NPHP4: variants seen among roughly 807,000 people sequenced by gnomAD.
The protein encoded by NPHP4 is nephrocystin-4.
In NPHP4, 151 loss-of-function variants were observed where a neutral mutation model predicts 155.8. That is an observed-to-expected ratio of 0.97 (90% CI 0.85 to 1.11). The LOEUF (loss-of-function observed/expected upper bound fraction) is 1.11. NPHP4 is among the 50% of genes least tolerant of loss of function. The pLI, the probability that NPHP4 is intolerant of heterozygous loss-of-function variation, is 0.00. For missense variants in NPHP4, 1,956 were observed against 1,925.7 expected (o/e 1.02, Z -0.29); for synonymous variants, 845 against 816.8 (o/e 1.03, Z -0.59).
rs372959036 is a variant in NPHP4 at position 5,890,966 on chromosome 1, G to A, written c.2206C>T (p.Arg736Cys). Reference sequence around the variant, plus strand: ...ACGGCCAGGTAGCGGGCAAAGCAGCGCCGCTCACCTGGCTTCAGGAACCCA... The same window carrying A: ...ACGGCCAGGTAGCGGGCAAAGCAGCACCGCTCACCTGGCTTCAGGAACCCA... ...GPGFLKPGER[R>C]CFARYLAVQT... is the part of the protein sequence containing the mutation. The change falls in exon 17 of 30, where the codon CGC (arginine) becomes TGC (cysteine). Residue 736 changes from arginine to cysteine, a missense_variant. Transcript: ENST00000378156. This position sits in a 1 kb window ranked among gnomAD's most constrained non-coding sequence, Gnocchi z 4.9. 95 of 1,594,356 alleles carry A rather than the reference G, an allele frequency of 6.0e-5. No homozygotes were observed. Among genetic ancestry groups the A allele is most frequent in the African/African-American group, 1.5e-4 (11 of 74,606 alleles).
intron 2 of NPHP4, among the ~76,000 whole-genome samples, chr1:5,985,892 A>G (rs1487505087): frequency 1.3e-5 from 2 of 152,224 alleles, no homozygotes; most frequent in Admixed American, 6.5e-5. Flanking sequence ...CAGCTTCAAC[A>G]TGGTCAGAAC....
At chr1:5,874,717 T>C in intron 21 of NPHP4, 60 bp from the exon 22 acceptor site, 1 of 1,566,488 alleles carries the variant, frequency 6.4e-7, no homozygotes. Flanking sequence ...CACAGGAGGC[T>C]GCGGTCCCAC....
At chr1:5,964,442 C>A (rs1459479969) in intron 5 of NPHP4, among the ~76,000 whole-genome samples, 1 of 152,178 alleles carries the variant, frequency 6.6e-6, no homozygotes, top group Admixed American at 6.5e-5. Flanking sequence ...AACAGGTGAG[C>A]CCCAGTTGCC....
intron 18 of NPHP4, among the ~76,000 whole-genome samples, chr1:5,885,681 T>C (rs929060309): frequency 1.3e-5 from 2 of 152,182 alleles, no homozygotes; most frequent in African/African-American, 4.8e-5. Context: ...CAGAGCAGAA[T>C]CCAGGCCGAG....
chr1:5,973,423 C>T (rs1449878920), intron 3 of NPHP4, among the ~76,000 whole-genome samples: 1 of 152,186 alleles, frequency 6.6e-6, no homozygotes, highest in East Asian at 1.9e-4. Context: ...CCCAGCTCTA[C>T]CAAAATAAAA....
At position 5,889,710 on chromosome 1, in the gene NPHP4, A is replaced by G. The variant is rs924652871; in HGVS notation, c.2304+1158T>C. The stretch of plus-strand genomic sequence containing the variant: ...CGACACACAGTCCTGCCCTGGGGAC[A>G]TCAAAGCCAGCATGGGAGACGGACA... On this transcript the variant is annotated intron_variant, in intron 17 of 29. Coordinates refer to ENST00000378156, the MANE Select transcript of NPHP4 (RefSeq NM_015102.5). This position sits in a 1 kb window ranked among gnomAD's most constrained non-coding sequence, Gnocchi z 4.2. 6.6e-6 allele frequency among the ~76,000 whole-genome samples: 1 copy of G among 152,220 alleles called. No individual in the cohort carries two copies. The highest frequency in any genetic ancestry group is 2.4e-5 in the African/African-American group (1 of 41,456).
At chr1:5,916,470 A>C (rs539752854) in intron 11 of NPHP4, among the ~76,000 whole-genome samples, 1 of 152,348 alleles carries the variant, frequency 6.6e-6, no homozygotes, top group Middle Eastern at 3.4e-3. Context: ...TAATCATTTA[A>C]TGTGACATGA....
In NPHP4 at chr1:5,944,172, C is replaced by T. The variant is rs946936058; in HGVS notation, c.1119+2932G>A. On this transcript the variant is annotated intron_variant, in intron 9 of 29. Transcript: ENST00000378156. This position sits in a 1 kb window ranked among gnomAD's most constrained non-coding sequence, Gnocchi z 4.3. ...GCAGATTGTCCAGGAAGCTGGCAGC[C>T]GGGGAAGCTCCGTGGGGCCCATCGC... Among the ~76,000 whole-genome samples the T allele has an allele frequency of 1.3e-5, 2 of 152,210 alleles. No individual in the cohort carries two copies. Among genetic ancestry groups the T allele is most frequent in the Non-Finnish European group, 2.9e-5 (2 of 68,042 alleles).
Position 5,912,002 on chromosome 1 carries a change from G to A in NPHP4, c.1442-2789C>T, listed in dbSNP as rs377070414. 2.4e-4 allele frequency among the ~76,000 whole-genome samples: 37 copies of A among 152,296 alleles called. No individual in the cohort carries two copies. The East Asian group carries it at 6.2e-3, about 25-fold the overall frequency. On this transcript the variant is annotated intron_variant, in intron 11 of 29. Coordinates refer to ENST00000378156, the MANE Select transcript of NPHP4 (RefSeq NM_015102.5). ...AAGCACCTGGGCCAGCAACTGAACCGGGAGCAGCATGCGTGTGCACAGGAC... is the reference window on the plus strand; with the variant it reads ...AAGCACCTGGGCCAGCAACTGAACCAGGAGCAGCATGCGTGTGCACAGGAC...
At chr1:5,987,196 G>A (rs1466181335) in intron 1 of NPHP4, among the ~76,000 whole-genome samples, 1 of 152,100 alleles carries the variant, frequency 6.6e-6, no homozygotes, top group Non-Finnish European at 1.5e-5. Context: ...GGCCCGTTTT[G>A]AGTGTTATCT....
At position 5,904,784 on chromosome 1, in the gene NPHP4, C is replaced by T; in HGVS notation, c.1976G>A (p.Gly659Glu). 1 of 1,613,980 alleles carries T rather than the reference C, an allele frequency of 6.2e-7. No individual in the cohort carries two copies. The highest frequency in any genetic ancestry group is 8.5e-7 in the Non-Finnish European group (1 of 1,179,904). The change falls in exon 16 of 30, where the codon GGA becomes GAA. Residue 659 changes from glycine to glutamate, a missense_variant. By Grantham distance (98) the Gly-to-Glu change is moderately conservative (BLOSUM62 -2). Transcript: ENST00000378156. Reference protein sequence around the residue: ...AFSRVAQDCRGTSWPKTVYFT... With the variant: ...AFSRVAQDCRETSWPKTVYFT... ...ATACACAGTCTTTGGCCATGATGTT[C>T]CTCGGCAGTCCTGGGCCACTCTGAA...
At chr1:5,969,910 C>A (rs566354533) in intron 3 of NPHP4, among the ~76,000 whole-genome samples, 24 of 152,270 alleles carry the variant, frequency 1.6e-4, no homozygotes, top group African/African-American at 5.5e-4. Flanking sequence ...TCTTTTTATG[C>A]CGAAAATCAC....
At chr1:5,957,222 A>C (rs577778598) in intron 6 of NPHP4, among the ~76,000 whole-genome samples, 1 of 152,134 alleles carries the variant, frequency 6.6e-6, no homozygotes, top group Non-Finnish European at 1.5e-5. Context: ...GGAAAAACAC[A>C]CCCCACTCTA....
chr1:5,964,935 A>ATTTTT (rs1476774217), intron 5 of NPHP4, among the ~76,000 whole-genome samples: 51 of 31,946 alleles, frequency 1.6e-3, no homozygotes, highest in Non-Finnish European at 2.1e-3. Flanking sequence ...ATATATATAT[A>ATTTTT]TATATATTTT....
intron 16 of NPHP4, among the ~76,000 whole-genome samples, chr1:5,897,369 G>A (rs1015135585): frequency 6.6e-6 from 1 of 152,140 alleles, no homozygotes; most frequent in African/African-American, 2.4e-5. Context: ...AGAAACCTGG[G>A]GGTGGGCACC....
In NPHP4 at chr1:5,912,542, AAAAAAAAAAAAAAG is replaced by A. The variant is rs1250985045; in HGVS notation, c.1442-3343_1442-3330del. Among the ~76,000 whole-genome samples, 881 of 121,864 alleles carry A rather than the reference AAAAAAAAAAAAAAG, an allele frequency of 7.2e-3. 10 individuals are homozygous for A. Among genetic ancestry groups the A allele is most frequent in the African/African-American group, 0.032 (824 of 25,616 alleles). 79.9% of individuals were successfully genotyped at this position (121,864 alleles called of 152,430 possible). ...AACACAGTGAGACTCCGTCTCAAAA[AAAAAAAAAAAAAAG>A]AAAAAAGAAAAAAGAAAAATGAAAG... On this transcript the variant is annotated intron_variant, in intron 11 of 29. Transcript: ENST00000378156.
rs1641323497 is a variant in NPHP4, at chr1:5,867,139, A to T, written c.3473-24T>A. On this transcript the variant is annotated intron_variant, in intron 24 of 29. Transcript: ENST00000378156. This position sits in a 1 kb window ranked among gnomAD's most constrained non-coding sequence, Gnocchi z 4.1. ...ACCTGGAGCAGGGGAAATGTCAAAA[A>T]GAGTCTTCTCCACAGCCCCAGCCTG... is the stretch of plus-strand genomic sequence containing the variant. 3.2e-6 allele frequency: 5 copies of T among 1,577,092 alleles called. No homozygotes were observed. Among genetic ancestry groups the T allele is most frequent in the Non-Finnish European group, 4.3e-6 (5 of 1,153,628 alleles).
Position 5,862,997 on chromosome 1 carries a change from T to A in NPHP4, c.*268A>T, listed in dbSNP as rs1343097686. On this transcript the variant is annotated 3_prime_UTR_variant, in exon 30 of 30. Transcript: ENST00000378156. The stretch of plus-strand genomic sequence containing the variant: ...AGCGATAACGAGGGTCCCACATGCG[T>A]AGATGGCAGCACCAGAGCCAGACCC... The A allele has an allele frequency of 7.6e-6, 4 of 524,882 alleles. No individual in the cohort carries two copies. The highest frequency in any genetic ancestry group is 1.4e-5 in the Non-Finnish European group (4 of 291,686). The allele number at this position is 524,882 out of a possible 1,614,324, so 32.5% of individuals were successfully genotyped here.
intron 2 of NPHP4, among the ~76,000 whole-genome samples, chr1:5,980,141 C>T (rs370205140): frequency 2.0e-5 from 3 of 152,158 alleles, no homozygotes; most frequent in African/African-American, 7.2e-5. Flanking sequence ...TGGCCCAGTC[C>T]TCCCACAAAA....
Sources: gnomAD v4.1 joint callset for allele counts (sites outside exome capture counted in the v4.1 genomes callset) on GRCh38, gnomAD v4.1.1 for gene constraint, Gnocchi (gnomAD v3.1) non-coding constraint, MANE v1.5 for transcripts, NCBI Gene and HGNC (gene_info 2026-07-23, HGNC 2026-07-21) for gene names.